ULK4: variants seen among roughly 807,000 people sequenced by gnomAD.
The protein encoded by ULK4 is inactive serine/threonine-protein kinase ULK4.
A neutral mutation model predicts 160.6 loss-of-function variants in ULK4; 133 were observed. The observed-to-expected ratio is 0.83, with a 90% confidence interval of 0.72 to 0.96. ULK4 has a LOEUF of 0.96. Among genes scored for constraint, ULK4 ranks in the 40% least tolerant of loss-of-function variants. ULK4 has a pLI of 0.00. For missense variants in ULK4, 1,580 were observed against 1,499.5 expected, an observed-to-expected ratio of 1.05 and a Z score of -0.89; for synonymous variants, 534 against 539.8, an observed-to-expected ratio of 0.99 and a Z score of 0.15.
At chr3:41,935,209 ATTT>A (rs10524611) in intron 4 of ULK4, among the ~76,000 whole-genome samples, 39 of 135,596 alleles carry the variant, frequency 2.9e-4, no homozygotes, top group African/African-American at 1.3e-3. Context: ...TTATTTATTT[ATTT>A]TTTTTTTTTT....
At chr3:41,723,886 G>A (rs2037558792) in intron 22 of ULK4, among the ~76,000 whole-genome samples, 1 of 152,270 alleles carries the variant, frequency 6.6e-6, no homozygotes, top group South Asian at 2.1e-4. Context: ...CATGTGACTG[G>A]AACACTCTGC....
chr3:41,777,893 A>C (rs1331612965), intron 21 of ULK4, among the ~76,000 whole-genome samples: 3 of 142,596 alleles, frequency 2.1e-5, no homozygotes, highest in Non-Finnish European at 3.1e-5. Context: ...ATGGGCAAAA[A>C]CTGGAAGCAT....
intron 31 of ULK4, among the ~76,000 whole-genome samples, chr3:41,610,020 AT>A (rs1260937073): frequency 1.2e-3 from 174 of 141,928 alleles, no homozygotes; most frequent in African/African-American, 2.2e-3. Flanking sequence ...AAATAATTTT[AT>A]TTTTTTTTTT....
intron 18 of ULK4, among the ~76,000 whole-genome samples, chr3:41,830,602 A>AG (rs1380460887): frequency 2.0e-5 from 3 of 152,084 alleles, no homozygotes; most frequent in Non-Finnish European, 4.4e-5. Context: ...TATCTCAAGC[A>AG]GGGGGCAGGG....
intron 27 of ULK4, among the ~76,000 whole-genome samples, chr3:41,694,121 T>C (rs2036405286): frequency 6.6e-6 from 1 of 152,196 alleles, no homozygotes; most frequent in Non-Finnish European, 1.5e-5. Flanking sequence ...AATGTGCTGA[T>C]GATGCTGGAA....
chr3:41,619,175 T>C (rs2033123713), intron 30 of ULK4, among the ~76,000 whole-genome samples: 1 of 151,992 alleles, frequency 6.6e-6, no homozygotes, highest in Non-Finnish European at 1.5e-5. Flanking sequence ...CCAATAATAA[T>C]AGTGGGAGAC....
At chr3:41,585,848 G>C (rs2030755816) in intron 31 of ULK4, among the ~76,000 whole-genome samples, 1 of 152,024 alleles carries the variant, frequency 6.6e-6, no homozygotes. Context: ...AATAGACAAG[G>C]ACTTGAATAG....
chr3:41,416,056 A>C (rs2082519856), intron 34 of ULK4, among the ~76,000 whole-genome samples: 1 of 152,236 alleles, frequency 6.6e-6, no homozygotes. Context: ...ATAAAATCAC[A>C]CTGAGAAGTC....
intron 18 of ULK4, among the ~76,000 whole-genome samples, chr3:41,825,937 C>G (rs929344543): frequency 2.0e-5 from 3 of 152,208 alleles, no homozygotes; most frequent in African/African-American, 2.4e-5. Flanking sequence ...CAAAGGGAAG[C>G]CCATCAGACT....
At chr3:41,556,399 T>C (rs1333025234) in intron 32 of ULK4, among the ~76,000 whole-genome samples, 2 of 150,072 alleles carry the variant, frequency 1.3e-5, no homozygotes, top group Non-Finnish European at 3.0e-5. Context: ...ACTACAGAAA[T>C]AGAGAAAATC....
At chr3:41,765,345 G>A (rs906539076) in intron 21 of ULK4, among the ~76,000 whole-genome samples, 3 of 152,126 alleles carry the variant, frequency 2.0e-5, no homozygotes, top group African/African-American at 4.8e-5. Context: ...ACTCATAGGT[G>A]GGAACTGAAC....
intron 25 of ULK4, among the ~76,000 whole-genome samples, chr3:41,714,930 C>T (rs555834959): frequency 4.6e-5 from 7 of 151,640 alleles, no homozygotes; most frequent in African/African-American, 1.7e-4. Flanking sequence ...TCCCAGCATT[C>T]CATTTTCACC....
chr3:41,495,845 C>A (rs918588671), intron 32 of ULK4, among the ~76,000 whole-genome samples: 1 of 151,920 alleles, frequency 6.6e-6, no homozygotes, highest in Admixed American at 6.6e-5. Context: ...TCATCACTGG[C>A]CATCAGAGAA....
At chr3:41,639,783 GT>G (rs1320276415) in intron 30 of ULK4, among the ~76,000 whole-genome samples, 1 of 152,032 alleles carries the variant, frequency 6.6e-6, no homozygotes, top group African/African-American at 2.4e-5. Flanking sequence ...TAATATTCTG[GT>G]CTAAGGCAAC....
chr3:41,423,833 C>T lies in ULK4; in HGVS notation c.3493-25569G>A, dbSNP rs377181918. On this transcript the variant is annotated intron_variant, in intron 34 of 36. Transcript: ENST00000301831. ...CAGTGAGTGATCATGCTACCCTGCC[C>T]GGGAAACCATGCTTTTTCCATGGAT... is the stretch of plus-strand genomic sequence containing the variant. Among the ~76,000 whole-genome samples the T allele has an allele frequency of 3.9e-5, 6 of 152,310 alleles. No individual in the cohort carries two copies. In the East Asian group the frequency reaches 5.8e-4, roughly 15 times the overall value.
intron 35 of ULK4, among the ~76,000 whole-genome samples, chr3:41,273,263 G>T (rs1384538391): frequency 6.6e-6 from 1 of 152,140 alleles, no homozygotes; most frequent in East Asian, 1.9e-4. Context: ...CTGAAGCAGT[G>T]CTCAATCTAG....
chr3:41,609,047 A>G (rs1425383305), intron 31 of ULK4, among the ~76,000 whole-genome samples: 1 of 152,206 alleles, frequency 6.6e-6, no homozygotes, highest in Non-Finnish European at 1.5e-5. Flanking sequence ...AATGATGATA[A>G]AACTCAAGAT....
intron 35 of ULK4, among the ~76,000 whole-genome samples, chr3:41,259,567 C>T (rs1002712269): frequency 8.5e-5 from 13 of 152,162 alleles, no homozygotes; most frequent in Non-Finnish European, 1.8e-4. Flanking sequence ...AACAAGCAAA[C>T]CAGAACTTCT....
chr3:41,693,316 T>C (rs56088989), intron 27 of ULK4, among the ~76,000 whole-genome samples: 29,493 of 152,186 alleles, frequency 0.19, 7,512 homozygotes, highest in African/African-American at 0.59. Context: ...CCAAAATCAC[T>C]CTTCTAGCGA....
Sources: allele counts gnomAD v4.1 joint callset (sites outside exome capture counted in the v4.1 genomes callset), GRCh38; gene constraint gnomAD v4.1.1; transcripts MANE v1.5; gene names NCBI Gene and HGNC (gene_info 2026-07-23, HGNC 2026-07-21).